Variants in MCF2L observed in about 807,000 individuals in gnomAD.
MCF2L encodes the protein guanine nucleotide exchange factor DBS.
In MCF2L, 97 loss-of-function variants were observed where a neutral mutation model predicts 153.4. The observed-to-expected ratio is 0.63, with a 90% CI of 0.54 to 0.75. The LOEUF is 0.75. MCF2L is among the 30% of genes least tolerant of loss of function. MCF2L has a pLI of 0.00. For missense variants in MCF2L, 1,347 were observed against 1,495.2 expected, an observed-to-expected ratio of 0.90 and a Z score of 1.64; for synonymous variants, 659 against 632.2, an observed-to-expected ratio of 1.04 and a Z score of -0.64.
chr13:112,895,622 G>A (rs1336990409), intron 1 of MCF2L, among the ~76,000 whole-genome samples: 1 of 152,166 alleles, frequency 6.6e-6, no homozygotes, highest in Non-Finnish European at 1.5e-5. Context: ...TGCAGCCTCC[G>A]TGGGTAGCTG....
At chr13:112,911,038 C>CGCCCCT (rs1378714801) in intron 2 of MCF2L, among the ~76,000 whole-genome samples, 2 of 152,188 alleles carry the variant, frequency 1.3e-5, no homozygotes, top group Non-Finnish European at 2.9e-5. Flanking sequence ...CTGACTCTCT[C>CGCCCCT]GCCCCTGCCC....
At chr13:113,036,283 A>G (rs1268373849) in intron 3 of MCF2L, among the ~76,000 whole-genome samples, 2 of 152,222 alleles carry the variant, frequency 1.3e-5, no homozygotes, top group Non-Finnish European at 2.9e-5. Flanking sequence ...CCTTTTATAC[A>G]TAAGTTAACT....
intron 2 of MCF2L, among the ~76,000 whole-genome samples, chr13:112,906,084 A>G (rs1412856688): frequency 1.3e-5 from 2 of 152,096 alleles, no homozygotes; most frequent in Non-Finnish European, 2.9e-5. Context: ...CTGGGTAAAC[A>G]TTGATGAGCT....
chr13:113,042,741 C>G (rs79866171), intron 3 of MCF2L: 9,092 of 152,252 alleles, frequency 0.06, 359 homozygotes, highest in East Asian at 0.15. Flanking sequence ...GTGTTTGGGT[C>G]ACGGGTCTGG....
chr13:112,940,154 C>T (rs758881980), intron 2 of MCF2L, among the ~76,000 whole-genome samples: 5 of 152,098 alleles, frequency 3.3e-5, no homozygotes, highest in Non-Finnish European at 4.4e-5. Flanking sequence ...AGTTTCCTTA[C>T]GCAAGAATTT....
chr13:113,045,471 A>G lies in MCF2L; in HGVS notation c.369+110A>G. On this transcript the variant is annotated intron_variant, in intron 4 of 29. Transcript: ENST00000535094. The surrounding 1 kb of genome is among the most constrained non-coding windows in gnomAD (Gnocchi z 4.2). ...CAGTTCCTGCTTTGTGCTGAGTGGG[A>G]CAGAGCCCAGTCCCGGCGGGTGGAG... 2 of 1,000,972 alleles carry G rather than the reference A, an allele frequency of 2.0e-6. No individual in the cohort carries two copies. The highest frequency in any genetic ancestry group is 1.5e-6 in the Non-Finnish European group (1 of 650,830). 62.0% of individuals were successfully genotyped at this position (1,000,972 alleles called of 1,614,324 possible).
intron 17 of MCF2L, 29 bp downstream of exon 17, chr13:113,082,571 C>T: frequency 6.9e-7 from 1 of 1,441,756 alleles, no homozygotes; most frequent in Non-Finnish European, 9.7e-7. Flanking sequence ...CACAGGCACG[C>T]ACCCGTGATC....
At chr13:113,005,090 C>T (rs897204536) in intron 1 of MCF2L, among the ~76,000 whole-genome samples, 2 of 152,164 alleles carry the variant, frequency 1.3e-5, no homozygotes, top group Non-Finnish European at 2.9e-5. Context: ...CCCCAGTGGC[C>T]GTTAGTGGAT....
chr13:113,087,749 A>G lies in MCF2L; in HGVS notation c.2638A>G (p.Lys880Glu). 2 of 1,614,120 alleles carry G rather than the reference A, an allele frequency of 1.2e-6. No individual in the cohort carries two copies. Among genetic ancestry groups the G allele is most frequent in the Non-Finnish European group, 1.7e-6 (2 of 1,180,040 alleles). Residue 880 changes from lysine (K) to glutamate (E), a missense_variant, in exon 23 of 30, where the codon AAG becomes GAG. Around this residue, in one of 3 missense-constraint regions of MCF2L, gnomAD observed 383 missense variants for 335.4 expected, o/e 1.14. Transcript: ENST00000535094. The part of the protein sequence containing the change: ...GITENVKGDA[K>E]KFEIWYNARE... The stretch of plus-strand genomic sequence containing the variant: ...TACGGAGAACGTGAAGGGAGATGCT[A>G]AGAAGTTCGAGATCTGGTACAACGC...
At position 113,024,822 on chromosome 13, in the gene MCF2L, AG is replaced by A. The variant is rs1346458329; in HGVS notation, c.278+67del. On this transcript the variant is annotated intron_variant, in intron 3 of 29. Coordinates refer to ENST00000535094, the MANE Select transcript of MCF2L (RefSeq NM_001112732.3). ...GGCAGAGTCCCTGTGAGATTTCACC[AG>A]GGTGGGGTCCCTGCAACTATGGGAT... The A allele has an allele frequency of 3.8e-6, 5 of 1,309,824 alleles. No individual in the cohort carries two copies. In the South Asian group the frequency reaches 4.8e-5, roughly 12 times the overall value. 81.1% of individuals were successfully genotyped at this position (1,309,824 alleles called of 1,614,324 possible).
intron 11 of MCF2L, 71 bp downstream of exon 11, chr13:113,075,260 C>T: frequency 7.1e-7 from 1 of 1,399,248 alleles, no homozygotes; most frequent in Non-Finnish European, 9.6e-7. Context: ...ACATCCACCA[C>T]CGGCTGACCC....
At chr13:112,969,176 GC>G, upstream of MCF2L, 2 of 600,654 alleles carry the variant, frequency 3.3e-6, no homozygotes, top group Non-Finnish European at 4.4e-6. The surrounding 1 kb of genome is among the most constrained non-coding windows in gnomAD (Gnocchi z 4.8). Flanking sequence ...GCCGCCCCCC[GC>G]CCCCCGCGGC....
chr13:113,027,336 C>T lies in MCF2L; in HGVS notation c.278+2578C>T, dbSNP rs979935120. On this transcript the variant is annotated intron_variant, in intron 3 of 29. Coordinates refer to ENST00000535094, the MANE Select transcript of MCF2L (RefSeq NM_001112732.3). This position sits in a 1 kb window ranked among gnomAD's most constrained non-coding sequence, Gnocchi z 4.8. ...AGTCATGCCTCAAGGAGAGGGAGAG[C>T]GGTGGGCACCTCTGTCCACTTGGCG... Among the ~76,000 whole-genome samples the T allele has an allele frequency of 1.3e-5, 2 of 152,008 alleles. No homozygotes were observed. The highest frequency in any genetic ancestry group is 2.9e-5 in the Non-Finnish European group (2 of 68,024).
At chr13:113,013,469 C>T (rs561820662) in intron 1 of MCF2L, among the ~76,000 whole-genome samples, 36 of 152,332 alleles carry the variant, frequency 2.4e-4, no homozygotes, top group Non-Finnish European at 2.9e-4. Flanking sequence ...GCAGCCAGCA[C>T]GGCCCAGGAG....
intron 1 of MCF2L, among the ~76,000 whole-genome samples, chr13:112,973,993 G>C (rs9577406): frequency 6.6e-6 from 1 of 152,080 alleles, no homozygotes; most frequent in Non-Finnish European, 1.5e-5. Flanking sequence ...CTTCAAAGCC[G>C]CTCCTGACTC....
At chr13:112,905,599 A>G (rs2081165042) in intron 2 of MCF2L, among the ~76,000 whole-genome samples, 1 of 152,126 alleles carries the variant, frequency 6.6e-6, no homozygotes, top group Non-Finnish European at 1.5e-5. Flanking sequence ...CTCGACACCC[A>G]CCATCCTACT....
Position 113,060,622 on chromosome 13 carries a change from C to G in MCF2L, c.399C>G (p.Val133=), listed in dbSNP as rs2031235175. ...CTTTCCCGGCAAACCTGCAGCTCGT[C>G]CTCGTGCTTCGCCCGACGGGTTTTT... ...AASFPANLQL[V]LVLRPTGFFQ... The change falls in exon 5 of 30, where the codon GTC becomes GTG. Residue 133 remains valine (V), a synonymous_variant. Transcript: ENST00000535094. 1.2e-6 allele frequency: 2 copies of G among 1,613,568 alleles called. No homozygotes were observed. The highest frequency in any genetic ancestry group is 1.7e-6 in the Non-Finnish European group (2 of 1,179,998).
intron 7 of MCF2L, among the ~76,000 whole-genome samples, 153 bp from the exon 8 acceptor site, chr13:113,065,892 AC>A (rs1392415450): frequency 6.6e-6 from 1 of 151,962 alleles, no homozygotes. Flanking sequence ...TGCCCGCACG[AC>A]CCCACAGAAG....
rs2141843444 is a variant in MCF2L at position 113,066,051 on chromosome 13, T to A, written c.762T>A (p.Asp254Glu). Residue 254 changes from aspartate (D) to glutamate (E), a missense_variant, in exon 8 of 30, where the codon GAT (aspartate) becomes GAA (glutamate). Transcript: ENST00000535094. ...HTEKKDKAKE[D>E]LRLALKEGHS... ...AGGCTGCATTCTCTCCACAGGAGGA[T>A]TTGAGGCTGGCACTGAAAGAGGGGC... 1 of 1,612,976 alleles carries A rather than the reference T, an allele frequency of 6.2e-7. No individual in the cohort carries two copies. The highest frequency in any genetic ancestry group is 8.5e-7 in the Non-Finnish European group (1 of 1,179,834).
Sources: gnomAD v4.1 joint callset for allele counts (sites outside exome capture counted in the v4.1 genomes callset) on GRCh38, gnomAD v4.1.1 for gene constraint, gnomAD v4.1.1 regional missense constraint, Gnocchi (gnomAD v3.1) non-coding constraint, MANE v1.5 for transcripts, NCBI Gene and HGNC (gene_info 2026-07-23, HGNC 2026-07-21) for gene names.